Variants in B3GALT1 observed in about 807,000 individuals in gnomAD.
B3GALT1 encodes beta-1,3-galactosyltransferase 1, also known as UDP-Gal:betaGlcNAc beta 1,3-galactosyltransferase, polypeptide 1.
B3GALT1 carries 10 observed loss-of-function variants against 23.2 expected under a neutral mutation model. That is an observed-to-expected ratio of 0.43 (90% CI 0.27 to 0.73). The LOEUF (loss-of-function observed/expected upper bound fraction) is 0.73, where lower values mean the gene tolerates loss of function less well. Among genes scored for constraint, B3GALT1 ranks in the 30% least tolerant of loss-of-function variants. The pLI is 0.21. For synonymous variants in B3GALT1, 156 were observed against 141.5 expected (o/e 1.10, Z -0.73); for missense variants, 299 against 405.4 (o/e 0.74, Z 2.25).
At chr2:167,680,449 T>C (rs1333254958) in intron 3 of B3GALT1, among the ~76,000 whole-genome samples, 1 of 101,168 alleles carries the variant, frequency 9.9e-6, no homozygotes, top group Non-Finnish European at 2.4e-5. Context: ...CTCACAAGTA[T>C]ACATCAAAAT....
chr2:167,547,197 G>A (rs1263450605), intron 2 of B3GALT1, among the ~76,000 whole-genome samples: 1 of 152,134 alleles, frequency 6.6e-6, no homozygotes, highest in African/African-American at 2.4e-5. Flanking sequence ...TCCACCATGA[G>A]AGCAGCCACA....
intron 3 of B3GALT1, among the ~76,000 whole-genome samples, chr2:167,739,911 T>TAAG (rs1360635141): frequency 3.0e-5 from 4 of 133,138 alleles, no homozygotes; most frequent in Non-Finnish European, 4.7e-5. Context: ...GGCAACACAG[T>TAAG]AAGAAGTTGT....
chr2:167,843,656 C>T (rs553140155), intron 4 of B3GALT1, among the ~76,000 whole-genome samples: 2 of 152,154 alleles, frequency 1.3e-5, no homozygotes, highest in African/African-American at 4.8e-5. Flanking sequence ...CCTAAAGACC[C>T]CAGATCACAT....
chr2:167,687,933 C>G (rs1253695681), intron 3 of B3GALT1, among the ~76,000 whole-genome samples: 1 of 151,892 alleles, frequency 6.6e-6, no homozygotes, highest in Non-Finnish European at 1.5e-5. Context: ...AAATAGAAAT[C>G]GTCCAAATTT....
At chr2:167,652,751 A>C (rs1467711008) in intron 3 of B3GALT1, among the ~76,000 whole-genome samples, 1 of 152,150 alleles carries the variant, frequency 6.6e-6, no homozygotes, top group Non-Finnish European at 1.5e-5. Flanking sequence ...GGCCAGACCC[A>C]TGTCTCATTC....
chr2:167,564,417 G>A (rs997563342), intron 2 of B3GALT1, among the ~76,000 whole-genome samples: 8 of 150,474 alleles, frequency 5.3e-5, no homozygotes, highest in African/African-American at 2.0e-4. Context: ...CATCCCAGAC[G>A]ATGGGCGGCC....
intron 3 of B3GALT1, among the ~76,000 whole-genome samples, chr2:167,797,046 A>C (rs946737280): frequency 3.9e-5 from 6 of 152,146 alleles, no homozygotes; most frequent in African/African-American, 1.4e-4. Context: ...AACGTGTGCC[A>C]TGGTGGTTTG....
intron 2 of B3GALT1, among the ~76,000 whole-genome samples, chr2:167,615,497 T>A (rs1685144747): frequency 1.3e-5 from 2 of 152,128 alleles, no homozygotes; most frequent in Non-Finnish European, 2.9e-5. Flanking sequence ...CAGTTAATAA[T>A]AATGTATTGT....
At chr2:167,696,294 G>C (rs1164114378) in intron 3 of B3GALT1, among the ~76,000 whole-genome samples, 2 of 72,132 alleles carry the variant, frequency 2.8e-5, no homozygotes, top group African/African-American at 4.6e-5. Flanking sequence ...ATTGGTAAGA[G>C]GCAAAAAAAA....
At position 167,351,268 on chromosome 2, in the gene B3GALT1, C is replaced by CAAA. The variant is rs890751165; in HGVS notation, c.-511+57947_-511+57949dup. Among the ~76,000 whole-genome samples, 378 of 64,200 alleles carry CAAA rather than the reference C, an allele frequency of 5.9e-3. 2 individuals carry two copies. Among genetic ancestry groups the CAAA allele is most frequent in the African/African-American group, 0.017 (343 of 19,994 alleles). The allele number at this position is 64,200 out of a possible 152,430, so 42.1% of individuals were successfully genotyped here. The stretch of plus-strand genomic sequence containing the variant: ...TGGGCAATAGAGTGAGACTCCGTCT[C>CAAA]AAAAAAAAAAAAAAACGAAAACAAA... On this transcript the variant is annotated intron_variant, in intron 1 of 4. Transcript: ENST00000392690.
chr2:167,849,684 G>T (rs531997798), intron 4 of B3GALT1, among the ~76,000 whole-genome samples: 1 of 152,008 alleles, frequency 6.6e-6, no homozygotes, highest in Non-Finnish European at 1.5e-5. Flanking sequence ...TCAGGAGATC[G>T]AGACCATCCT....
chr2:167,467,380 TATAATA>T (rs945444091), intron 1 of B3GALT1, among the ~76,000 whole-genome samples: 34 of 152,298 alleles, frequency 2.2e-4, no homozygotes, highest in African/African-American at 6.7e-4. Flanking sequence ...ACCATGTTGT[TATAATA>T]ATAATAGAGC....
chr2:167,483,653 A>G (rs1038804331), intron 1 of B3GALT1, among the ~76,000 whole-genome samples: 1 of 152,220 alleles, frequency 6.6e-6, no homozygotes, highest in Admixed American at 6.5e-5. Flanking sequence ...TTGTTCCTCC[A>G]CCAAAAGGAA....
intron 1 of B3GALT1, among the ~76,000 whole-genome samples, chr2:167,387,916 T>C (rs922054749): frequency 6.6e-6 from 1 of 152,196 alleles, no homozygotes; most frequent in African/African-American, 2.4e-5. Flanking sequence ...CATTGAACGA[T>C]ATTTGAAAGG....
intron 2 of B3GALT1, among the ~76,000 whole-genome samples, chr2:167,626,289 C>A: frequency 6.6e-6 from 1 of 151,220 alleles, no homozygotes; most frequent in Admixed American, 6.6e-5. Flanking sequence ...TAATCCAAAC[C>A]CATATAGATC....
intron 3 of B3GALT1, among the ~76,000 whole-genome samples, chr2:167,654,325 T>G (rs1040125005): frequency 2.0e-5 from 3 of 152,166 alleles, no homozygotes; most frequent in Non-Finnish European, 4.4e-5. Context: ...AACTCCTTAT[T>G]ACCAGCTTCT....
intron 4 of B3GALT1, among the ~76,000 whole-genome samples, chr2:167,833,995 T>C (rs565925783): frequency 6.6e-6 from 1 of 152,320 alleles, no homozygotes; most frequent in African/African-American, 2.4e-5. Context: ...AGCTCAATGT[T>C]GTTGGATTTC....
At chr2:167,500,046 G>A (rs1699830549) in intron 2 of B3GALT1, among the ~76,000 whole-genome samples, 1 of 151,970 alleles carries the variant, frequency 6.6e-6, no homozygotes, top group Admixed American at 6.6e-5. Flanking sequence ...AATGGCCTTT[G>A]TTCCTTTGAA....
At chr2:167,547,546 T>C (rs1158723610) in intron 2 of B3GALT1, among the ~76,000 whole-genome samples, 2 of 151,806 alleles carry the variant, frequency 1.3e-5, no homozygotes, top group African/African-American at 4.8e-5. Context: ...ATACAAAAAT[T>C]AGCTGAGCAT....
Sources: allele counts gnomAD v4.1 joint callset (sites outside exome capture counted in the v4.1 genomes callset), GRCh38; gene constraint gnomAD v4.1.1; transcripts MANE v1.5; gene names NCBI Gene and HGNC (gene_info 2026-07-23, HGNC 2026-07-21).